Variants in CNTNAP2 observed in about 807,000 individuals in gnomAD.
CNTNAP2 encodes contactin-associated protein-like 2.
CNTNAP2 carries 98 observed loss-of-function variants against 155.2 expected under a neutral mutation model. That is an observed-to-expected ratio of 0.63 (90% CI 0.54 to 0.75). The LOEUF (loss-of-function observed/expected upper bound fraction) is 0.75, where lower values mean the gene tolerates loss of function less well. Among genes scored for constraint, CNTNAP2 ranks in the 30% least tolerant of loss-of-function variants. The probability of loss-of-function intolerance (pLI) is 0.00; values close to 1 mark genes in which losing one functional copy is unlikely to be tolerated. For synonymous variants in CNTNAP2, 651 were observed against 631.2 expected (o/e 1.03, Z -0.47); for missense variants, 1,727 against 1,688.1 (o/e 1.02, Z -0.40).
At chr7:148,150,943 C>G (rs1356910501) in intron 17 of CNTNAP2, among the ~76,000 whole-genome samples, 2 of 152,066 alleles carry the variant, frequency 1.3e-5, no homozygotes, top group African/African-American at 4.8e-5. Flanking sequence ...TGATCTCAAA[C>G]TCCTGGGATC....
intron 15 of CNTNAP2, among the ~76,000 whole-genome samples, chr7:148,085,911 G>C (rs1052287260): frequency 6.6e-6 from 1 of 152,116 alleles, no homozygotes; most frequent in Admixed American, 6.5e-5. Flanking sequence ...ATGATACTAT[G>C]ACACAGACAA....
At chr7:146,610,074 T>C (rs993239841) in intron 1 of CNTNAP2, among the ~76,000 whole-genome samples, 11 of 152,204 alleles carry the variant, frequency 7.2e-5, no homozygotes, top group Non-Finnish European at 1.0e-4. Flanking sequence ...TTTTAACCAA[T>C]TAAAATACAA....
At chr7:146,261,660 T>C (rs1234274358) in intron 1 of CNTNAP2, among the ~76,000 whole-genome samples, 1 of 152,078 alleles carries the variant, frequency 6.6e-6, no homozygotes, top group Middle Eastern at 3.2e-3. Context: ...CAACAGAAAG[T>C]CTCAAAATTC....
intron 1 of CNTNAP2, among the ~76,000 whole-genome samples, chr7:146,687,309 A>G (rs1049055995): frequency 2.0e-5 from 3 of 152,184 alleles, no homozygotes; most frequent in African/African-American, 7.2e-5. Context: ...CTTGAGCAAC[A>G]TAATTTCTCT....
At chr7:146,524,851 A>G (rs890569745) in intron 1 of CNTNAP2, among the ~76,000 whole-genome samples, 1 of 152,132 alleles carries the variant, frequency 6.6e-6, no homozygotes, top group Non-Finnish European at 1.5e-5. Context: ...CGTTTCTTCT[A>G]CAAACATTAT....
In CNTNAP2 at chr7:147,921,819, A is replaced by T. The variant is rs528690469; in HGVS notation, c.2255+18098A>T. ...ACAGGAGCAGGGGACCAACTAGACA[A>T]GGAAAGAGGCAGATCTATTCAACAA... On this transcript the variant is annotated intron_variant, in intron 14 of 23. Transcript: ENST00000361727. 1.9e-3 allele frequency among the ~76,000 whole-genome samples: 289 copies of T among 152,336 alleles called. 1 individual carries two copies. Among genetic ancestry groups the T allele is most frequent in the Middle Eastern group, 3.4e-3 (1 of 294 alleles).
intron 10 of CNTNAP2, among the ~76,000 whole-genome samples, chr7:147,429,276 C>A (rs1042594334): frequency 1.8e-4 from 27 of 151,670 alleles, no homozygotes; most frequent in African/African-American, 6.5e-4. Context: ...TATGGCCATT[C>A]TTGCAGGAGT....
chr7:147,792,912 T>C (rs1027374089), intron 13 of CNTNAP2, among the ~76,000 whole-genome samples: 2 of 152,186 alleles, frequency 1.3e-5, no homozygotes, highest in Non-Finnish European at 2.9e-5. Context: ...GGTGAAGTAA[T>C]AATTCAGGGT....
At position 147,448,012 on chromosome 7, in the gene CNTNAP2, A is replaced by C. The variant is rs938342799; in HGVS notation, c.1671-37923A>C. On this transcript the variant is annotated intron_variant, in intron 10 of 23. Transcript: ENST00000361727. Reference sequence around the variant, plus strand: ...CCTCTCAATTGGTTCATGATCATGCATAGCTCCTAAAATATAAGAAGGTAA... The same window carrying C: ...CCTCTCAATTGGTTCATGATCATGCCTAGCTCCTAAAATATAAGAAGGTAA... Among the ~76,000 whole-genome samples, 5 of 152,102 alleles carry C rather than the reference A, an allele frequency of 3.3e-5. No individual in the cohort carries two copies. The East Asian group carries it at 9.7e-4, about 29-fold the overall frequency.
intron 3 of CNTNAP2, among the ~76,000 whole-genome samples, chr7:146,854,023 A>G (rs1794930700): frequency 6.6e-6 from 1 of 152,224 alleles, no homozygotes; most frequent in Non-Finnish European, 1.5e-5. Context: ...TAGGATTTCT[A>G]TAGGAGAGAA....
intron 1 of CNTNAP2, among the ~76,000 whole-genome samples, chr7:146,244,415 A>G (rs1049165485): frequency 5.3e-5 from 8 of 152,098 alleles, no homozygotes; most frequent in African/African-American, 1.9e-4. Context: ...GTCTAAGTTG[A>G]TCTGGTGTCT....
chr7:148,103,986 A>G (rs28406047), intron 15 of CNTNAP2, among the ~76,000 whole-genome samples: 19,286 of 152,162 alleles, frequency 0.13, 3,247 homozygotes, highest in African/African-American at 0.39. Context: ...GTTCTTTGGT[A>G]TTTCAAAATG....
chr7:147,785,475 A>G (rs1327112261), intron 13 of CNTNAP2, among the ~76,000 whole-genome samples: 2 of 152,168 alleles, frequency 1.3e-5, no homozygotes, highest in Non-Finnish European at 2.9e-5. Context: ...GAAAGCCAGA[A>G]CAAAGTAGGT....
chr7:147,478,646 T>G (rs1798365068), intron 10 of CNTNAP2, among the ~76,000 whole-genome samples: 2 of 152,168 alleles, frequency 1.3e-5, no homozygotes, highest in Admixed American at 6.5e-5. Flanking sequence ...GGAAGAAGAT[T>G]GGGAAGGACA....
At position 147,260,141 on chromosome 7, in the gene CNTNAP2, C is replaced by T. The variant is rs571122629; in HGVS notation, c.1349-40000C>T. ...CAAACTAAACCTTGAAGATGAGGAACGGTAGTGAGCCATATCTAACAAAAG... is the reference window on the plus strand; with the variant it reads ...CAAACTAAACCTTGAAGATGAGGAATGGTAGTGAGCCATATCTAACAAAAG... On this transcript the variant is annotated intron_variant, in intron 8 of 23. Transcript: ENST00000361727. 1.1e-4 allele frequency among the ~76,000 whole-genome samples: 16 copies of T among 152,304 alleles called. No homozygotes were observed. The South Asian group carries it at 2.1e-3, about 20-fold the overall frequency.
intron 16 of CNTNAP2, among the ~76,000 whole-genome samples, chr7:148,143,687 C>T (rs893706097): frequency 2.0e-5 from 3 of 152,108 alleles, no homozygotes; most frequent in Non-Finnish European, 4.4e-5. Context: ...TCAAAAAATA[C>T]AAATAAAGAA....
intron 12 of CNTNAP2, among the ~76,000 whole-genome samples, chr7:147,599,137 CA>C (rs1563015315): frequency 6.6e-6 from 1 of 151,974 alleles, no homozygotes; most frequent in Non-Finnish European, 1.5e-5. Context: ...GAACATAGAA[CA>C]GGGGTTAAAC....
intron 2 of CNTNAP2, among the ~76,000 whole-genome samples, chr7:146,823,607 C>G (rs1803340484): frequency 6.8e-6 from 1 of 147,268 alleles, no homozygotes; most frequent in South Asian, 2.2e-4. Context: ...TGGAAATATA[C>G]TCATTCTTCA....
rs145249216 is a variant in CNTNAP2 at position 146,127,009 on chromosome 7, C to G, written c.97+10036C>G. ...TATATCTATGCCAGAAATACTTTCC[C>G]AAAACACAAATCTTGTTATAGTACT... On this transcript the variant is annotated intron_variant, in intron 1 of 23. Transcript: ENST00000361727. 3.1e-3 allele frequency among the ~76,000 whole-genome samples: 472 copies of G among 152,204 alleles called. 4 individuals are homozygous for G. Among genetic ancestry groups the G allele is most frequent in the African/African-American group, 0.011 (455 of 41,536 alleles).
Sources: gnomAD v4.1 joint callset for allele counts (sites outside exome capture counted in the v4.1 genomes callset) on GRCh38, gnomAD v4.1.1 for gene constraint, MANE v1.5 for transcripts, NCBI Gene and HGNC (gene_info 2026-07-23, HGNC 2026-07-21) for gene names.